Variants in CDH4 observed in about 807,000 individuals in gnomAD.
CDH4 encodes the protein cadherin 4, also known as cadherin-4.
In CDH4, 33 loss-of-function variants were observed where a neutral mutation model predicts 86.0. The ratio of observed to expected loss-of-function variants is 0.38; its 90% CI spans 0.29 to 0.51. CDH4 has a LOEUF of 0.51. CDH4 is among the 20% of genes least tolerant of loss of function. CDH4 has a pLI of 0.86. For missense variants in CDH4, 1,114 were observed against 1,307.4 expected, an observed-to-expected ratio of 0.85 and a Z score of 2.28; for synonymous variants, 555 against 549.4, an observed-to-expected ratio of 1.01 and a Z score of -0.14.
Position 61,844,753 on chromosome 20 carries a change from G to C in CDH4, c.662G>C (p.Ser221Thr). Residue 221 changes from serine to threonine, a missense_variant, in exon 5 of 16, where the codon AGC (serine) becomes ACC (threonine). Transcript: ENST00000614565. ...GACCAGCCCCCCATGGAGGTCTTCA[G>C]CATTGACTCCATGTCCGGCCGGATG... The part of the protein sequence containing the change: ...GADQPPMEVF[S>T]IDSMSGRMYV... The C allele has an allele frequency of 6.2e-7, 1 of 1,614,094 alleles. No individual in the cohort carries two copies. Among genetic ancestry groups the C allele is most frequent in the Non-Finnish European group, 8.5e-7 (1 of 1,179,978 alleles).
intron 3 of CDH4, among the ~76,000 whole-genome samples, chr20:61,764,121 G>A (rs1173043019): frequency 2.6e-5 from 4 of 152,180 alleles, no homozygotes; most frequent in East Asian, 3.9e-4. Flanking sequence ...AGACCCAGGC[G>A]GGGAGCAGGG....
chr20:61,481,510 C>T (rs971719879), intron 2 of CDH4, among the ~76,000 whole-genome samples: 2 of 152,238 alleles, frequency 1.3e-5, no homozygotes, highest in Non-Finnish European at 2.9e-5. Context: ...CTCTAAATCC[C>T]TTATGTCATC....
At chr20:61,632,982 C>A (rs1403678238) in intron 2 of CDH4, among the ~76,000 whole-genome samples, 1 of 151,672 alleles carries the variant, frequency 6.6e-6, no homozygotes, top group African/African-American at 2.4e-5. Flanking sequence ...ACCCATCCAT[C>A]TTCCCATCCA....
Position 61,405,127 on chromosome 20 carries a change from C to T in CDH4, c.169+150190C>T, listed in dbSNP as rs530440166. The stretch of plus-strand genomic sequence containing the variant: ...TGAGTCTTTGAGGCTGATTTTGTTT[C>T]GGGGTCCCAGGGAGTGGATGTGGAG... On this transcript the variant is annotated intron_variant, in intron 2 of 15. Transcript: ENST00000614565. 2.6e-5 allele frequency among the ~76,000 whole-genome samples: 4 copies of T among 152,202 alleles called. No individual in the cohort carries two copies. The South Asian group carries it at 6.2e-4, about 24-fold the overall frequency.
intron 2 of CDH4, among the ~76,000 whole-genome samples, chr20:61,458,059 C>CGGT (rs566907327): frequency 5.8e-5 from 8 of 137,482 alleles, no homozygotes; most frequent in South Asian, 2.5e-4. Flanking sequence ...GTGGTGGCAG[C>CGGT]GGTGGTGGTG....
intron 2 of CDH4, among the ~76,000 whole-genome samples, chr20:61,401,131 G>T (rs995790018): frequency 6.6e-6 from 1 of 152,162 alleles, no homozygotes; most frequent in African/African-American, 2.4e-5. Flanking sequence ...ACTGTCCTTG[G>T]CAGACTCTGA....
intron 2 of CDH4, among the ~76,000 whole-genome samples, chr20:61,678,243 GGATA>G (rs746913103): frequency 1.1e-4 from 16 of 151,994 alleles, no homozygotes; most frequent in South Asian, 2.1e-4. Context: ...GATTATGGAT[GGATA>G]GATAGATGGA....
Position 61,518,515 on chromosome 20 carries a change from CATCT to C in CDH4, c.170-225044_170-225041del, listed in dbSNP as rs1178013942. ...TTGATTCATCATCCATCCATCCGTC[CATCT>C]ATCATCCATCCATCTATCCATCATT... On this transcript the variant is annotated intron_variant, in intron 2 of 15. Coordinates refer to ENST00000614565, the MANE Select transcript of CDH4 (RefSeq NM_001794.5). This position sits in a 1 kb window ranked among gnomAD's most constrained non-coding sequence, Gnocchi z 6.3. Among the ~76,000 whole-genome samples, 2 of 151,748 alleles carry C rather than the reference CATCT, an allele frequency of 1.3e-5. No individual in the cohort carries two copies. Among genetic ancestry groups the C allele is most frequent in the African/African-American group, 4.8e-5 (2 of 41,276 alleles).
chr20:61,659,584 G>T (rs936782692), intron 2 of CDH4, among the ~76,000 whole-genome samples: 10 of 149,760 alleles, frequency 6.7e-5, no homozygotes, highest in Non-Finnish European at 1.3e-4. Flanking sequence ...AGGAGGGTGG[G>T]CCTCAGCCAT....
At chr20:61,495,576 C>T (rs1344669480) in intron 2 of CDH4, among the ~76,000 whole-genome samples, 6 of 151,856 alleles carry the variant, frequency 4.0e-5, no homozygotes, top group African/African-American at 1.2e-4. Context: ...AGAGCAAGAC[C>T]TTGTCTCAGA....
At chr20:61,914,354 C>T (rs559170066) in intron 9 of CDH4, among the ~76,000 whole-genome samples, 8 of 152,320 alleles carry the variant, frequency 5.3e-5, no homozygotes, top group African/African-American at 7.2e-5. Flanking sequence ...ATTGCCTACC[C>T]GGCCCCCGCT....
chr20:61,363,250 A>T lies in CDH4; in HGVS notation c.169+108313A>T, dbSNP rs1016557130. Among the ~76,000 whole-genome samples, 3 of 152,118 alleles carry T rather than the reference A, an allele frequency of 2.0e-5. No homozygotes were observed. In the East Asian group the frequency reaches 5.8e-4, roughly 29 times the overall value. ...TGTTCTTTAACTTATTCATTCATTT[A>T]TCCATTTGCTCAACAAATATTTGCT... On this transcript the variant is annotated intron_variant, in intron 2 of 15. Coordinates refer to ENST00000614565, the MANE Select transcript of CDH4 (RefSeq NM_001794.5).
At chr20:61,369,588 T>C (rs2123332735) in intron 2 of CDH4, among the ~76,000 whole-genome samples, 1 of 152,168 alleles carries the variant, frequency 6.6e-6, no homozygotes, top group Non-Finnish European at 1.5e-5. Context: ...CCCATGTTTT[T>C]AGAAGAGGCA....
At chr20:61,565,144 TGTTGGTAGTGGTCCTCTTGGTGATGG>T (rs2086261670) in intron 2 of CDH4, among the ~76,000 whole-genome samples, 4 of 133,298 alleles carry the variant, frequency 3.0e-5, no homozygotes, top group Non-Finnish European at 4.9e-5. Context: ...GTCCTCTTGG[TGTTGGTAGTGGTCCTCTTGGTGATGG>T]GGTGGTGGTG....
At chr20:61,486,010 C>A (rs939356879) in intron 2 of CDH4, among the ~76,000 whole-genome samples, 1 of 152,186 alleles carries the variant, frequency 6.6e-6, no homozygotes, top group Non-Finnish European at 1.5e-5. Context: ...GATTGGGGTG[C>A]CAGAATGCCA....
intron 2 of CDH4, among the ~76,000 whole-genome samples, chr20:61,347,062 G>A (rs1181319969): frequency 3.9e-5 from 6 of 152,316 alleles, no homozygotes; most frequent in African/African-American, 1.2e-4. Context: ...TCAGTACCAC[G>A]TTTTACTAAC....
At chr20:61,712,062 C>G (rs570298035) in intron 2 of CDH4, among the ~76,000 whole-genome samples, 1 of 150,928 alleles carries the variant, frequency 6.6e-6, no homozygotes, top group East Asian at 1.9e-4. Context: ...TGGAGAGAGG[C>G]TTGGAGGGAG....
At chr20:61,292,782 T>G (rs1408678196) in intron 2 of CDH4, among the ~76,000 whole-genome samples, 1 of 152,140 alleles carries the variant, frequency 6.6e-6, no homozygotes, top group East Asian at 1.9e-4. Context: ...GCAATGCTGT[T>G]TTTGTTTTTG....
chr20:61,672,654 C>T (rs986266769), intron 2 of CDH4, among the ~76,000 whole-genome samples: 1 of 152,142 alleles, frequency 6.6e-6, no homozygotes, highest in African/African-American at 2.4e-5. Flanking sequence ...AGCCGAGTCT[C>T]TGGGGTGGAC....
Sources: gnomAD v4.1 joint callset for allele counts (sites outside exome capture counted in the v4.1 genomes callset) on GRCh38, gnomAD v4.1.1 for gene constraint, Gnocchi (gnomAD v3.1) non-coding constraint, MANE v1.5 for transcripts, NCBI Gene and HGNC (gene_info 2026-07-23, HGNC 2026-07-21) for gene names.